TRIM8: variants seen among roughly 807,000 people sequenced by gnomAD.
The protein encoded by TRIM8 is E3 ubiquitin-protein ligase TRIM8.
A neutral mutation model predicts 55.7 loss-of-function variants in TRIM8; 9 were observed. The observed-to-expected ratio is 0.16, with a 90% confidence interval of 0.10 to 0.28. TRIM8 has a LOEUF of 0.28. TRIM8 is among the 10% of genes least tolerant of loss of function. The pLI is 1.00. For synonymous variants in TRIM8, 335 were observed against 333.3 expected (o/e 1.01, Z -0.06); for missense variants, 556 against 736.4 (o/e 0.76, Z 2.83).
At chr10:102,649,604 G>A (rs1040396000) in intron 1 of TRIM8, among the ~76,000 whole-genome samples, 12 of 152,170 alleles carry the variant, frequency 7.9e-5, no homozygotes, top group East Asian at 3.9e-4. Context: ...TCTTTGTTCT[G>A]CTGCCCCAGA....
chr10:102,650,677 G>A (rs999197558), intron 1 of TRIM8, among the ~76,000 whole-genome samples: 6 of 152,216 alleles, frequency 3.9e-5, no homozygotes, highest in African/African-American at 9.6e-5. Context: ...ACCTGCCTGC[G>A]CAGAGAGTAC....
intron 1 of TRIM8, among the ~76,000 whole-genome samples, chr10:102,647,267 C>T (rs545738449): frequency 5.3e-5 from 8 of 152,292 alleles, no homozygotes; most frequent in East Asian, 1.9e-4. Context: ...CGTGCATGCG[C>T]GTGCTTTCTT....
chr10:102,657,351 C>G lies in TRIM8; in HGVS notation c.1653C>G (p.Ser551Arg). ...CGTCCACCAAACACTACGTGACGAGCTAACGCCACGCAGGCGGCGGGGCGC... is the reference window on the plus strand; with the variant it reads ...CGTCCACCAAACACTACGTGACGAGGTAACGCCACGCAGGCGGCGGGGCGC... ...GQPSTKHYVT[S>R] Residue 551 changes from serine to arginine, a missense_variant, in exon 6 of 6, where the codon AGC becomes AGG. Ser to Arg is a moderately radical substitution (Grantham distance 110, BLOSUM62 -1). Coordinates refer to ENST00000643721, the MANE Select transcript of TRIM8 (RefSeq NM_030912.3). 1 of 1,562,428 alleles carries G rather than the reference C, an allele frequency of 6.4e-7. No individual in the cohort carries two copies. Among genetic ancestry groups the G allele is most frequent in the Non-Finnish European group, 8.7e-7 (1 of 1,150,460 alleles).
At chr10:102,649,800 G>C (rs572233319) in intron 1 of TRIM8, among the ~76,000 whole-genome samples, 1 of 152,326 alleles carries the variant, frequency 6.6e-6, no homozygotes, top group African/African-American at 2.4e-5. Flanking sequence ...GCCCAAGGCA[G>C]TGGCTTGAGG....
rs2064044389 is a variant in TRIM8 at position 102,658,184 on chromosome 10, C to T, written c.*830C>T. On this transcript the variant is annotated 3_prime_UTR_variant, in exon 6 of 6. Coordinates refer to ENST00000643721, the MANE Select transcript of TRIM8 (RefSeq NM_030912.3). ...AGTTGGGTCCTTGCCTGGATTTTGA[C>T]ACAGCAACTTCCTGTAGTGAGCACT... 1 of 152,216 alleles carries T rather than the reference C, an allele frequency of 6.6e-6. No individual in the cohort carries two copies. Among genetic ancestry groups the T allele is most frequent in the South Asian group, 2.1e-4 (1 of 4,828 alleles). The allele number at this position is 152,216 out of a possible 1,614,324, so 9.4% of individuals were successfully genotyped here. A position where few individuals can be genotyped will look rare whatever the true frequency, so the allele number is the denominator to read the frequency against.
chr10:102,649,979 G>C (rs934259043), intron 1 of TRIM8, among the ~76,000 whole-genome samples: 1 of 151,846 alleles, frequency 6.6e-6, no homozygotes, highest in Non-Finnish European at 1.5e-5. Flanking sequence ...GGAGCTGGCC[G>C]GGCAGGGACC....
intron 1 of TRIM8, among the ~76,000 whole-genome samples, chr10:102,647,054 C>T (rs2063942194): frequency 6.6e-6 from 1 of 152,204 alleles, no homozygotes; most frequent in African/African-American, 2.4e-5. Flanking sequence ...TGTGCTTCGC[C>T]CTCCAATGCA....
intron 1 of TRIM8, chr10:102,645,818 C>T (rs2063930372): frequency 6.6e-6 from 1 of 152,466 alleles, no homozygotes; most frequent in African/African-American, 2.4e-5. Flanking sequence ...CCGGCTCTCC[C>T]TGTGTGAGAA....
At position 102,655,155 on chromosome 10, in the gene TRIM8, C is replaced by T. The variant is rs1195880693; in HGVS notation, c.742C>T (p.Arg248Trp). ...KLHQLLDEDLRQTVEVLDKAQ... is the reference protein window; with the variant it reads ...KLHQLLDEDLWQTVEVLDKAQ... ...GCACCAGCTGCTGGACGAGGACCTG[C>T]GGCAGACAGTGGAGGTCCTAGACAA... Residue 248 changes from arginine (R) to tryptophan (W), a missense_variant, in exon 3 of 6, where the codon CGG (arginine) becomes TGG (tryptophan). Coordinates refer to ENST00000643721, the MANE Select transcript of TRIM8 (RefSeq NM_030912.3). The T allele has an allele frequency of 1.9e-6, 3 of 1,612,120 alleles. No homozygotes were observed. The highest frequency in any genetic ancestry group is 1.7e-6 in the Non-Finnish European group (2 of 1,179,462).
chr10:102,652,292 G>A (rs10883759), intron 1 of TRIM8, among the ~76,000 whole-genome samples: 45,454 of 151,984 alleles, frequency 0.3, 6,845 homozygotes, highest in Middle Eastern at 0.42. Context: ...TTGCCCCTAC[G>A]TAAAATGGGC....
intron 2 of TRIM8, 65 bp from the exon 3 acceptor site, chr10:102,655,014 GA>G (rs777401674): frequency 2.9e-5 from 45 of 1,563,312 alleles, no homozygotes; most frequent in Middle Eastern, 1.7e-4. Context: ...AGAAGGGTAA[GA>G]GGGGGGGAAA....
At chr10:102,648,889 C>T (rs895554502) in intron 1 of TRIM8, among the ~76,000 whole-genome samples, 2 of 152,148 alleles carry the variant, frequency 1.3e-5, no homozygotes, top group Non-Finnish European at 2.9e-5. Context: ...CTCCGTTGCC[C>T]GTGAAAGGGA....
chr10:102,646,370 TG>T (rs1189871406), intron 1 of TRIM8, among the ~76,000 whole-genome samples: 1 of 152,130 alleles, frequency 6.6e-6, no homozygotes, highest in East Asian at 1.9e-4. Flanking sequence ...TGGGGATCCC[TG>T]GAGGTTAGTG....
Position 102,656,493 on chromosome 10 carries a change from C to T in TRIM8, c.1048+108C>T, listed in dbSNP as rs2135984568. 1.3e-6 allele frequency: 2 copies of T among 1,482,192 alleles called. No individual in the cohort carries two copies. The highest frequency in any genetic ancestry group is 1.8e-6 in the Non-Finnish European group (2 of 1,106,122). 91.8% of individuals were successfully genotyped at this position (1,482,192 alleles called of 1,614,324 possible). On this transcript the variant is annotated intron_variant, in intron 5 of 5. Coordinates refer to ENST00000643721, the MANE Select transcript of TRIM8 (RefSeq NM_030912.3). This position sits in a 1 kb window ranked among gnomAD's most constrained non-coding sequence, Gnocchi z 4.6. Reference sequence around the variant, plus strand: ...TGTGGCCCAGTCTGGGAGACCTGTCCTCATATCCAGGCTTTGCCACTTGTA... The same window carrying T: ...TGTGGCCCAGTCTGGGAGACCTGTCTTCATATCCAGGCTTTGCCACTTGTA...
Position 102,644,902 on chromosome 10 carries a change from C to T in TRIM8, c.285C>T (p.Cys95=), listed in dbSNP as rs746705676. 5 of 1,608,450 alleles carry T rather than the reference C, an allele frequency of 3.1e-6. No individual in the cohort carries two copies. Among genetic ancestry groups the T allele is most frequent in the Admixed American group, 3.4e-5 (2 of 59,506 alleles). The part of the protein sequence containing the change: ...KPPAALHCVF[C]RRGPPLPAQK... ...CGGCGGCGCTGCACTGCGTGTTCTG[C>T]CGCCGCGGCCCCCCGCTGCCCGCGC... Residue 95 remains cysteine (C), a synonymous_variant, in exon 1 of 6, where the codon TGC becomes TGT. Coordinates refer to ENST00000643721, the MANE Select transcript of TRIM8 (RefSeq NM_030912.3).
At chr10:102,648,290 T>C (rs1482388225) in intron 1 of TRIM8, among the ~76,000 whole-genome samples, 1 of 151,910 alleles carries the variant, frequency 6.6e-6, no homozygotes, top group African/African-American at 2.4e-5. Flanking sequence ...CCCCATGACA[T>C]GGAAAGAAGA....
At position 102,657,234 on chromosome 10, in the gene TRIM8, C is replaced by G; in HGVS notation, c.1536C>G (p.Val512=). 6.2e-7 allele frequency: 1 copy of G among 1,614,064 alleles called. No homozygotes were observed. Among genetic ancestry groups the G allele is most frequent in the Admixed American group, 1.7e-5 (1 of 60,012 alleles). Residue 512 remains valine (V), a synonymous_variant, in exon 6 of 6, where the codon GTC becomes GTG. Transcript: ENST00000643721. ...YSHPLPPTPS[V]PQSLPSLAVR... is the part of the protein sequence containing the mutation. ...ACCCGCTCCCGCCCACACCCTCCGT[C>G]CCCCAGTCCCTTCCCAGCCTGGCGG...
intron 1 of TRIM8, among the ~76,000 whole-genome samples, chr10:102,649,573 AGG>A (rs1326998961): frequency 6.6e-6 from 1 of 152,186 alleles, no homozygotes; most frequent in Non-Finnish European, 1.5e-5. Flanking sequence ...AGCCAGACAA[AGG>A]GGGGCTTTCT....
chr10:102,651,712 G>T (rs1479110550), intron 1 of TRIM8, among the ~76,000 whole-genome samples: 1 of 152,234 alleles, frequency 6.6e-6, no homozygotes, highest in Non-Finnish European at 1.5e-5. Context: ...CCTCCTGAGG[G>T]TGGGCTTGGG....
Sources: gnomAD v4.1 joint callset for allele counts (sites outside exome capture counted in the v4.1 genomes callset) on GRCh38, gnomAD v4.1.1 for gene constraint, Gnocchi (gnomAD v3.1) non-coding constraint, MANE v1.5 for transcripts, NCBI Gene and HGNC (gene_info 2026-07-23, HGNC 2026-07-21) for gene names.